RBM11: variants seen among roughly 807,000 people sequenced by gnomAD.
RBM11 encodes RNA binding motif protein 11, also known as splicing regulator RBM11.
Under a neutral mutation model 21.4 loss-of-function variants are expected in RBM11, and 18 were observed. The observed-to-expected ratio is 0.84, with a 90% CI of 0.58 to 1.25. The LOEUF (loss-of-function observed/expected upper bound fraction) is 1.25, where lower values mean the gene tolerates loss of function less well. RBM11 is among the 50% of genes most tolerant of loss of function. The probability of loss-of-function intolerance (pLI) is 0.00; values close to 1 mark genes in which losing one functional copy is unlikely to be tolerated. For missense variants in RBM11, 294 were observed against 331.9 expected, an observed-to-expected ratio of 0.89 and a Z score of 0.89; for synonymous variants, 120 against 116.3, an observed-to-expected ratio of 1.03 and a Z score of -0.20.
chr21:14,217,402 G>A (rs1287264814), intron 1 of RBM11, among the ~76,000 whole-genome samples: 2 of 152,096 alleles, frequency 1.3e-5, no homozygotes, highest in East Asian at 1.9e-4. Flanking sequence ...TTCCGAGGGA[G>A]GCAATTACAG....
chr21:14,219,816 ACC>A, intron 2 of RBM11, 91 bp downstream of exon 2: 1 of 1,144,952 alleles, frequency 8.7e-7, no homozygotes, highest in Non-Finnish European at 1.2e-6. Context: ...GTAGTATAAG[ACC>A]AAAACAAAAA....
At chr21:14,223,251 T>C (rs374964174) in intron 3 of RBM11, among the ~76,000 whole-genome samples, 2 of 152,216 alleles carry the variant, frequency 1.3e-5, no homozygotes, top group African/African-American at 4.8e-5. Flanking sequence ...TAAAATGGGT[T>C]ATCATGTCCC....
rs1979269828 is a variant in RBM11, at chr21:14,228,194, C to A, written c.*901C>A. The A allele has an allele frequency of 6.6e-6, 1 of 151,936 alleles. No individual in the cohort carries two copies. Among genetic ancestry groups the A allele is most frequent in the African/African-American group, 2.4e-5 (1 of 41,352 alleles). 9.4% of individuals were successfully genotyped at this position (151,936 alleles called of 1,614,324 possible). On this transcript the variant is annotated 3_prime_UTR_variant, in exon 5 of 5. Transcript: ENST00000400577. ...GGGCATTTTTGTTTATAGCTCATTA[C>A]AAACTAGAGTGATGAATATATATAT...
Position 14,227,994 on chromosome 21 carries a change from GTAT to G in RBM11, c.*706_*708del, listed in dbSNP as rs1323172630. 2.6e-5 allele frequency: 4 copies of G among 152,050 alleles called. No individual in the cohort carries two copies. Among genetic ancestry groups the G allele is most frequent in the Non-Finnish European group, 5.9e-5 (4 of 67,994 alleles). The allele number at this position is 152,050 out of a possible 1,614,324, so 9.4% of individuals were successfully genotyped here. On this transcript the variant is annotated 3_prime_UTR_variant, in exon 5 of 5. Coordinates refer to ENST00000400577, the MANE Select transcript of RBM11 (RefSeq NM_144770.5). ...TAAAATCAGTTGGCTATGTCAGTGT[GTAT>G]TATTCACCTCTTTTGCTAGCAAGGT...
chr21:14,218,762 GCCT>G (rs1452969624), intron 1 of RBM11, among the ~76,000 whole-genome samples: 1 of 152,102 alleles, frequency 6.6e-6, no homozygotes, highest in Non-Finnish European at 1.5e-5. Flanking sequence ...GTTTGTAAGT[GCCT>G]CCTCCAATCA....
At chr21:14,222,085 T>A (rs1978711602) in intron 3 of RBM11, among the ~76,000 whole-genome samples, 1 of 152,142 alleles carries the variant, frequency 6.6e-6, no homozygotes, top group Admixed American at 6.6e-5. Flanking sequence ...CTCTTTGCAT[T>A]CTCTTTGCAT....
At chr21:14,223,037 G>C (rs772707583) in intron 3 of RBM11, among the ~76,000 whole-genome samples, 3 of 152,114 alleles carry the variant, frequency 2.0e-5, no homozygotes, top group Non-Finnish European at 4.4e-5. Context: ...CTATTGGTAA[G>C]ATTTAGACGG....
chr21:14,227,152 A>G lies in RBM11; in HGVS notation c.705A>G (p.Gln235=). Residue 235 remains glutamine (Q), a synonymous_variant, in exon 5 of 5, where the codon CAA becomes CAG. Coordinates refer to ENST00000400577, the MANE Select transcript of RBM11 (RefSeq NM_144770.5). ...GCTCATATAAATGGACTCACCAACA[A>G]CCAAGTGACTCTGACCTTTATCAGA... ...GPSSYKWTHQ[Q]PSDSDLYQMN... is the part of the protein sequence containing the mutation. 6.2e-7 allele frequency: 1 copy of G among 1,614,042 alleles called. No individual in the cohort carries two copies.
chr21:14,223,662 T>C (rs572413511), intron 3 of RBM11, among the ~76,000 whole-genome samples: 1 of 152,318 alleles, frequency 6.6e-6, no homozygotes, highest in Non-Finnish European at 1.5e-5. Context: ...TTTGAATGTG[T>C]CCCTCAAAAG....
At chr21:14,220,393 C>T (rs906043055) in intron 2 of RBM11, among the ~76,000 whole-genome samples, 8 of 152,160 alleles carry the variant, frequency 5.3e-5, no homozygotes, top group Non-Finnish European at 1.0e-4. Context: ...GTAATTCTTG[C>T]AATATGTACG....
At chr21:14,225,591 T>C (rs1451642266) in intron 4 of RBM11, among the ~76,000 whole-genome samples, 3 of 152,222 alleles carry the variant, frequency 2.0e-5, no homozygotes, top group Non-Finnish European at 4.4e-5. Flanking sequence ...GAGCTTTAGA[T>C]TTGTTAAATA....
At chr21:14,220,527 C>T (rs886707656) in intron 2 of RBM11, among the ~76,000 whole-genome samples, 2 of 152,076 alleles carry the variant, frequency 1.3e-5, no homozygotes, top group East Asian at 1.9e-4. Flanking sequence ...AGCAAAAGTG[C>T]GTCTCTTTGC....
chr21:14,226,549 G>A (rs1265513763), intron 4 of RBM11, among the ~76,000 whole-genome samples: 1 of 151,454 alleles, frequency 6.6e-6, no homozygotes, highest in Non-Finnish European at 1.5e-5. Context: ...AACCCAGGAG[G>A]CGCAGGTTGC....
At chr21:14,217,441 A>G (rs897287315) in intron 1 of RBM11, among the ~76,000 whole-genome samples, 1 of 152,180 alleles carries the variant, frequency 6.6e-6, no homozygotes, top group African/African-American at 2.4e-5. Context: ...GAATGGGTCA[A>G]AGGGGTCCTT....
At chr21:14,224,563 G>A in intron 4 of RBM11, 26 bp downstream of exon 4, 2 of 1,529,734 alleles carry the variant, frequency 1.3e-6, no homozygotes, top group Non-Finnish European at 1.8e-6. Context: ...ATTTTATTTA[G>A]TATATAATAT....
At chr21:14,220,341 T>A (rs1978560254) in intron 2 of RBM11, among the ~76,000 whole-genome samples, 1 of 152,210 alleles carries the variant, frequency 6.6e-6, no homozygotes. Flanking sequence ...ATACCATTAC[T>A]CTAGCTCTTT....
At position 14,221,017 on chromosome 21, in the gene RBM11, T is replaced by C. The variant is rs1257228186; in HGVS notation, c.260-80T>C. 2.2e-6 allele frequency: 3 copies of C among 1,387,818 alleles called. No homozygotes were observed. The South Asian group carries it at 4.2e-5, about 19-fold the overall frequency. The allele number at this position is 1,387,818 out of a possible 1,614,324, so 86.0% of individuals were successfully genotyped here. On this transcript the variant is annotated intron_variant, in intron 2 of 4. Coordinates refer to ENST00000400577, the MANE Select transcript of RBM11 (RefSeq NM_144770.5). Reference sequence around the variant, plus strand: ...AATCACTACTACGTCCTAAAATATTTTGAGTCATTTTATGGTTTAATATTA... The same window carrying C: ...AATCACTACTACGTCCTAAAATATTCTGAGTCATTTTATGGTTTAATATTA...
At chr21:14,216,948 C>G (rs907829896) in intron 1 of RBM11, among the ~76,000 whole-genome samples, 15 of 152,182 alleles carry the variant, frequency 9.9e-5, no homozygotes, top group Non-Finnish European at 1.5e-4. Flanking sequence ...TACACTCATT[C>G]AGCCATTCCC....
At chr21:14,217,746 A>C (rs935539211) in intron 1 of RBM11, among the ~76,000 whole-genome samples, 1 of 152,032 alleles carries the variant, frequency 6.6e-6, no homozygotes, top group Non-Finnish European at 1.5e-5. Context: ...AACAACAAAA[A>C]CCGAAAGAAA....
Sources: gnomAD v4.1 joint callset for allele counts (sites outside exome capture counted in the v4.1 genomes callset) on GRCh38, gnomAD v4.1.1 for gene constraint, MANE v1.5 for transcripts, NCBI Gene and HGNC (gene_info 2026-07-23, HGNC 2026-07-21) for gene names.